Variants in PCDH11Y observed in about 807,000 individuals in gnomAD.
PCDH11Y encodes the protein protocadherin-11 Y-linked.
For missense variants in PCDH11Y, 12 were observed against 224.8 expected (o/e 0.05, Z 6.05); for synonymous variants, 9 against 83.6 (o/e 0.11, Z 4.87).
intron 2 of PCDH11Y, among the ~76,000 whole-genome samples, chrY:5,368,498 T>A: frequency 2.9e-5 from 1 of 33,967 alleles, no homozygotes; most frequent in Non-Finnish European, 7.3e-5. Context: ...AATCTCTGCC[T>A]AGAATTTAGA....
Position 5,253,806 on chromosome Y carries a change from G to A in PCDH11Y, c.3129+153099G>A, listed in dbSNP as rs866271816. ...CAAGTTGACTGATGGCAAAGTTTTC[G>A]AAGATTATATCTAAAGTCCAGTGTC... On this transcript the variant is annotated intron_variant, in intron 2 of 4. Transcript: ENST00000400457. Among the ~76,000 whole-genome samples, 19 of 33,181 alleles carry A rather than the reference G, an allele frequency of 5.7e-4. No homozygotes were observed. In the South Asian group the frequency reaches 0.013, roughly 23 times the overall value. 89.0% of individuals were successfully genotyped at this position (33,181 alleles called of 37,273 possible).
At chrY:5,591,141 T>G (rs2053461188) in intron 4 of PCDH11Y, among the ~76,000 whole-genome samples, 1 of 32,658 alleles carries the variant, frequency 3.1e-5, no homozygotes, top group African/African-American at 1.2e-4. Flanking sequence ...ACATGTAATC[T>G]CCATGTGTCA....
In PCDH11Y at chrY:5,331,119, T is replaced by G. The variant is rs371403708; in HGVS notation, c.3130-169938T>G. Among the ~76,000 whole-genome samples, 432 of 33,822 alleles carry G rather than the reference T, an allele frequency of 0.013. No homozygotes were observed. In the Middle Eastern group the frequency reaches 0.27, roughly 21 times the overall value. The allele number at this position is 33,822 out of a possible 37,273, so 90.7% of individuals were successfully genotyped here. A position where few individuals can be genotyped will look rare whatever the true frequency, so the allele number is the denominator to read the frequency against. ...GATTTGGCATTCCTCAAATACCTGT[T>G]GATTAAAATATTATAAAAACTTCCT... On this transcript the variant is annotated intron_variant, in intron 2 of 4. Transcript: ENST00000400457.
chrY:5,545,632 T>C (rs2053412311), intron 3 of PCDH11Y, among the ~76,000 whole-genome samples: 1 of 32,810 alleles, frequency 3.0e-5, no homozygotes, highest in African/African-American at 1.2e-4. Context: ...TGGCTCAAAA[T>C]GCCTTCTTTA....
At chrY:5,367,080 T>C (rs2053181078) in intron 2 of PCDH11Y, among the ~76,000 whole-genome samples, 1 of 33,070 alleles carries the variant, frequency 3.0e-5, no homozygotes, top group Non-Finnish European at 7.4e-5. Flanking sequence ...CTAAATTCTT[T>C]GTAGGTCAAA....
chrY:5,521,252 A>C (rs2053380572), intron 3 of PCDH11Y, among the ~76,000 whole-genome samples: 1 of 30,848 alleles, frequency 3.2e-5, no homozygotes, highest in Non-Finnish European at 7.8e-5. Context: ...CGGCTCACTG[A>C]AACCTCTGCC....
At chrY:5,689,450 G>A (rs3950862) in intron 4 of PCDH11Y, among the ~76,000 whole-genome samples, 1 of 33,025 alleles carries the variant, frequency 3.0e-5, no homozygotes, top group Non-Finnish European at 7.4e-5. Context: ...TTTAATGTGC[G>A]TGTCTTGCTA....
intron 2 of PCDH11Y, among the ~76,000 whole-genome samples, chrY:5,344,048 T>A: frequency 3.0e-5 from 1 of 33,106 alleles, no homozygotes; most frequent in Non-Finnish European, 7.4e-5. Flanking sequence ...TAACCAAAAG[T>A]ACTTTATTAG....
At chrY:5,452,137 T>G in intron 2 of PCDH11Y, among the ~76,000 whole-genome samples, 1 of 33,131 alleles carries the variant, frequency 3.0e-5, no homozygotes, top group Non-Finnish European at 7.5e-5. Flanking sequence ...AGAAGGATAG[T>G]GAGAGGGTTG....
At chrY:5,295,698 T>C in intron 2 of PCDH11Y, among the ~76,000 whole-genome samples, 1 of 33,910 alleles carries the variant, frequency 2.9e-5, no homozygotes, top group Non-Finnish European at 7.3e-5. Flanking sequence ...AACTCTTATA[T>C]GTGCCCTTTT....
rs1569349570 is a variant in PCDH11Y, at chrY:5,645,033, G to A, written c.3352+63235G>A. Among the ~76,000 whole-genome samples, 3 of 32,299 alleles carry A rather than the reference G, an allele frequency of 9.3e-5. No homozygotes were observed. In the East Asian group the frequency reaches 2.4e-3, roughly 26 times the overall value. 86.7% of individuals were successfully genotyped at this position (32,299 alleles called of 37,273 possible). A position where few individuals can be genotyped will look rare whatever the true frequency, so the allele number is the denominator to read the frequency against. On this transcript the variant is annotated intron_variant, in intron 4 of 4. Transcript: ENST00000400457. The stretch of plus-strand genomic sequence containing the variant: ...AAAAGAAAAATATTTCAATAATAAT[G>A]CAAATTTCGTGAGGGCATGGAATTC...
chrY:5,329,663 C>T (rs2124667191), intron 2 of PCDH11Y, among the ~76,000 whole-genome samples: 5 of 32,676 alleles, frequency 1.5e-4, no homozygotes, highest in African/African-American at 6.0e-4. Context: ...TGACCGGCGC[C>T]GGAGTTTTGG....
At chrY:5,047,142 G>T in intron 3 of PCDH11Y, among the ~76,000 whole-genome samples, 1 of 33,316 alleles carries the variant, frequency 3.0e-5, no homozygotes, top group Non-Finnish European at 7.5e-5. Flanking sequence ...CCTCCCTCCA[G>T]CAAGCATTTC....
chrY:5,597,522 C>T, intron 4 of PCDH11Y, among the ~76,000 whole-genome samples: 4 of 27,449 alleles, frequency 1.5e-4, no homozygotes, highest in Non-Finnish European at 3.4e-4. Flanking sequence ...TAAAAGTGTT[C>T]CCTTTTCACC....
chrY:5,604,513 A>G (rs2053477296), intron 4 of PCDH11Y, among the ~76,000 whole-genome samples: 2 of 32,556 alleles, frequency 6.1e-5, no homozygotes, highest in African/African-American at 1.2e-4. Flanking sequence ...AGTATGTTGT[A>G]TAGTCCTAAC....
At chrY:5,324,972 C>A in intron 2 of PCDH11Y, among the ~76,000 whole-genome samples, 1 of 29,802 alleles carries the variant, frequency 3.4e-5, no homozygotes, top group Non-Finnish European at 8.0e-5. Flanking sequence ...TGTTCCCTGG[C>A]GGGCAGGAGT....
intron 2 of PCDH11Y, among the ~76,000 whole-genome samples, chrY:5,289,221 C>T: frequency 3.0e-5 from 1 of 33,452 alleles, no homozygotes; most frequent in Non-Finnish European, 7.4e-5. Context: ...GGTAAGTTTG[C>T]TTATTCCAGA....
intron 2 of PCDH11Y, among the ~76,000 whole-genome samples, chrY:5,188,636 C>T: frequency 3.0e-5 from 1 of 33,259 alleles, no homozygotes; most frequent in South Asian, 6.7e-4. Flanking sequence ...AGTTACCTCC[C>T]ACTGGGTCCC....
At chrY:5,687,172 C>A (rs2053564104) in intron 4 of PCDH11Y, among the ~76,000 whole-genome samples, 1 of 30,838 alleles carries the variant, frequency 3.2e-5, no homozygotes, top group Admixed American at 3.0e-4. Flanking sequence ...TGTACATGTA[C>A]CCCTGAACTT....
Sources: gnomAD v4.1 joint callset for allele counts (sites outside exome capture counted in the v4.1 genomes callset) on GRCh38, gnomAD v4.1.1 for gene constraint, MANE v1.5 for transcripts, NCBI Gene and HGNC (gene_info 2026-07-23, HGNC 2026-07-21) for gene names.